RCOR1: variants seen among roughly 807,000 people sequenced by gnomAD.
RCOR1 encodes the protein REST corepressor.
RCOR1 carries 12 observed loss-of-function variants against 64.0 expected under a neutral mutation model. The ratio of observed to expected loss-of-function variants is 0.19; its 90% CI spans 0.12 to 0.30. RCOR1 has a LOEUF of 0.30. Ranked by LOEUF, RCOR1 falls within the 10% of genes least tolerant of loss-of-function variation. RCOR1 has a pLI of 1.00. For synonymous variants in RCOR1, 279 were observed against 227.2 expected (o/e 1.23, Z -2.05); for missense variants, 502 against 621.2 (o/e 0.81, Z 2.04).
At chr14:102,697,945 T>C (rs1402211839) in intron 3 of RCOR1, among the ~76,000 whole-genome samples, 1 of 152,198 alleles carries the variant, frequency 6.6e-6, no homozygotes, top group Non-Finnish European at 1.5e-5. Flanking sequence ...GGTCTCGAAC[T>C]CCTGACCTCA....
chr14:102,614,087 G>T (rs945602379), intron 2 of RCOR1, among the ~76,000 whole-genome samples: 11 of 151,388 alleles, frequency 7.3e-5, no homozygotes, highest in Admixed American at 1.3e-4. Context: ...TAGAGACGGG[G>T]TTTCTCCATG....
chr14:102,632,611 A>ATCCTTTCCTTTCCTT (rs201997281), intron 2 of RCOR1, among the ~76,000 whole-genome samples: 81 of 108,002 alleles, frequency 7.5e-4, no homozygotes, highest in African/African-American at 1.8e-3. Flanking sequence ...ACTGCATGCT[A>ATCCTTTCCTTTCCTT]TCCTTTCCTT....
Position 102,657,636 on chromosome 14 carries a change from G to A in RCOR1, c.362-24259G>A, listed in dbSNP as rs556530440. ...GCAGATCACTTGAGGTCAGGAGTTC[G>A]AGACCAGCCTGGCTAACATGGTGAA... On this transcript the variant is annotated intron_variant, in intron 2 of 11. Coordinates refer to ENST00000262241, the MANE Select transcript of RCOR1 (RefSeq NM_015156.4). 8.8e-4 allele frequency: 534 copies of A among 609,510 alleles called. 3 individuals are homozygous for A. Among genetic ancestry groups the A allele is most frequent in the East Asian group, 1.8e-3 (13 of 7,034 alleles). 37.8% of individuals were successfully genotyped at this position (609,510 alleles called of 1,614,324 possible).
At chr14:102,683,566 C>G (rs561043322) in intron 3 of RCOR1, among the ~76,000 whole-genome samples, 39 of 152,362 alleles carry the variant, frequency 2.6e-4, no homozygotes, top group African/African-American at 9.1e-4. Flanking sequence ...CCCTACTGTT[C>G]CACCAGCGGG....
intron 2 of RCOR1, among the ~76,000 whole-genome samples, chr14:102,619,434 T>C (rs182645631): frequency 1.1e-4 from 17 of 150,496 alleles, no homozygotes; most frequent in Middle Eastern, 3.5e-3. Context: ...CCTCTATCTA[T>C]CTATCTGTCT....
chr14:102,715,072 AT>A lies in RCOR1; in HGVS notation c.1053+469del, dbSNP rs111566083. Among the ~76,000 whole-genome samples, 377 of 140,524 alleles carry A rather than the reference AT, an allele frequency of 2.7e-3. 4 individuals are homozygous for A. The highest frequency in any genetic ancestry group is 1.9e-3 in the East Asian group (9 of 4,826). The allele number at this position is 140,524 out of a possible 152,430, so 92.2% of individuals were successfully genotyped here. A position where few individuals can be genotyped will look rare whatever the true frequency, so the allele number is the denominator to read the frequency against. On this transcript the variant is annotated intron_variant, in intron 8 of 11. Transcript: ENST00000262241. ...CTCCTTGTAGGTGGCCACTATTCTG[AT>A]TTTTTTTTTTTTTGAGACGGTGTCT...
chr14:102,626,563 G>A (rs1469587178), intron 2 of RCOR1, among the ~76,000 whole-genome samples: 1 of 152,148 alleles, frequency 6.6e-6, no homozygotes, highest in Non-Finnish European at 1.5e-5. Context: ...GTCTCTTACT[G>A]GTCAGAGTTG....
At chr14:102,614,894 T>G (rs1419559210) in intron 2 of RCOR1, among the ~76,000 whole-genome samples, 1 of 151,072 alleles carries the variant, frequency 6.6e-6, no homozygotes, top group East Asian at 2.0e-4. Context: ...TGCAGTGGCG[T>G]GATCTCGGCT....
At position 102,684,518 on chromosome 14, in the gene RCOR1, C is replaced by T. The variant is rs1054272416; in HGVS notation, c.445+2540C>T. ...CACTAGCGAGAAGGCAGGATGAGGA[C>T]GGCTTTGTAGAAATGCATTATTTTC... On this transcript the variant is annotated intron_variant, in intron 3 of 11. Transcript: ENST00000262241. Among the ~76,000 whole-genome samples, 16 of 152,072 alleles carry T rather than the reference C, an allele frequency of 1.1e-4. No homozygotes were observed. The East Asian group carries it at 2.3e-3, about 22-fold the overall frequency.
intron 1 of RCOR1, 23 bp from the exon 2 acceptor site, chr14:102,593,243 G>T (rs1222432988): frequency 8.0e-6 from 12 of 1,504,908 alleles, no homozygotes; most frequent in East Asian, 2.8e-5. Context: ...CGCGCTGACC[G>T]CCGTATTCTG....
At chr14:102,675,935 A>G (rs1475400370) in intron 2 of RCOR1, among the ~76,000 whole-genome samples, 1 of 152,018 alleles carries the variant, frequency 6.6e-6, no homozygotes, top group East Asian at 1.9e-4. Context: ...ATATATTAGT[A>G]GTTCACTATT....
rs1420121536 is a variant in RCOR1 at position 102,727,814 on chromosome 14, A to ACTTTTGTTAT, written c.*1312_*1321dup. On this transcript the variant is annotated 3_prime_UTR_variant, in exon 12 of 12. Coordinates refer to ENST00000262241, the MANE Select transcript of RCOR1 (RefSeq NM_015156.4). Reference sequence around the variant, plus strand: ...TAAACATTTTGAGACTTCCAGAATCACTTTTGTTATCTTATCAGACCATGG... The same window carrying ACTTTTGTTAT: ...TAAACATTTTGAGACTTCCAGAATCACTTTTGTTATCTTTTGTTATCTTATCAGACCATGG... 1 of 152,230 alleles carries ACTTTTGTTAT rather than the reference A, an allele frequency of 6.6e-6. No homozygotes were observed. The highest frequency in any genetic ancestry group is 1.5e-5 in the Non-Finnish European group (1 of 68,028). The allele number at this position is 152,230 out of a possible 1,614,324, so 9.4% of individuals were successfully genotyped here.
chr14:102,596,252 C>T (rs1336315251), intron 2 of RCOR1, among the ~76,000 whole-genome samples: 1 of 152,046 alleles, frequency 6.6e-6, no homozygotes, highest in Non-Finnish European at 1.5e-5. Context: ...CAGGCATGCG[C>T]CACCATGCCT....
chr14:102,637,695 C>T (rs959686063), intron 2 of RCOR1, among the ~76,000 whole-genome samples: 2 of 152,200 alleles, frequency 1.3e-5, no homozygotes, highest in African/African-American at 4.8e-5. Flanking sequence ...AACGATTTGC[C>T]TGCCTTGGCC....
intron 2 of RCOR1, among the ~76,000 whole-genome samples, chr14:102,672,364 C>T (rs1244447431): frequency 1.3e-5 from 2 of 152,052 alleles, no homozygotes; most frequent in Non-Finnish European, 2.9e-5. Flanking sequence ...CGCCCGCCAC[C>T]ACACCCAGCT....
intron 3 of RCOR1, among the ~76,000 whole-genome samples, chr14:102,692,851 C>T (rs962963497): frequency 6.0e-5 from 9 of 151,174 alleles, no homozygotes; most frequent in East Asian, 1.9e-4. Flanking sequence ...TTGCAACCTC[C>T]GCCTCCCAGG....
chr14:102,634,978 G>T (rs1894206848), intron 2 of RCOR1, among the ~76,000 whole-genome samples: 1 of 151,432 alleles, frequency 6.6e-6, no homozygotes, highest in Admixed American at 6.6e-5. Context: ...AAAGTGATAG[G>T]ATTACAGGTG....
chr14:102,691,976 A>G (rs1895542377), intron 3 of RCOR1, among the ~76,000 whole-genome samples: 1 of 152,230 alleles, frequency 6.6e-6, no homozygotes, highest in South Asian at 2.1e-4. Context: ...AAAGTGGTCA[A>G]ACTGGTTTAC....
chr14:102,663,926 A>C (rs1894870900), intron 2 of RCOR1, among the ~76,000 whole-genome samples: 1 of 152,196 alleles, frequency 6.6e-6, no homozygotes, highest in African/African-American at 2.4e-5. Context: ...TGAGTCCAAG[A>C]GAATGAGAGA....
Sources: gnomAD v4.1 joint callset for allele counts (sites outside exome capture counted in the v4.1 genomes callset) on GRCh38, gnomAD v4.1.1 for gene constraint, MANE v1.5 for transcripts, NCBI Gene and HGNC (gene_info 2026-07-23, HGNC 2026-07-21) for gene names.